Variants in FDPS observed in about 807,000 individuals in gnomAD.
FDPS encodes farnesyl pyrophosphate synthase.
FDPS carries 29 observed loss-of-function variants against 49.5 expected under a neutral mutation model. The observed-to-expected ratio is 0.59, with a 90% CI of 0.44 to 0.80. The LOEUF (loss-of-function observed/expected upper bound fraction) is 0.80, where lower values mean the gene tolerates loss of function less well. FDPS is among the 30% of genes least tolerant of loss of function. The pLI, the probability that FDPS is intolerant of heterozygous loss-of-function variation, is 0.00. For synonymous variants in FDPS, 172 were observed against 206.4 expected (o/e 0.83, Z 1.43); for missense variants, 414 against 525.6 (o/e 0.79, Z 2.08).
intron 4 of FDPS, chr1:155,317,612 G>T (rs996103998): frequency 9.9e-6 from 2 of 201,930 alleles, no homozygotes; most frequent in East Asian, 2.5e-4. Context: ...GAGGCAGGAG[G>T]ATCATTTGAA....
chr1:155,312,119 G>A, intron 3 of FDPS, 136 bp from the exon 4 acceptor site: 1 of 972,856 alleles, frequency 1.0e-6, no homozygotes. Context: ...AGCAATTCCA[G>A]AGGCTCCTTG....
intron 3 of FDPS, among the ~76,000 whole-genome samples, chr1:155,310,867 G>C (rs1249315004): frequency 6.6e-6 from 1 of 152,140 alleles, no homozygotes. Context: ...CCTGAGTGAA[G>C]TTATTGTATC....
intron 4 of FDPS, among the ~76,000 whole-genome samples, chr1:155,315,791 C>T (rs1483861494): frequency 3.3e-5 from 5 of 150,218 alleles, no homozygotes; most frequent in South Asian, 2.1e-4. Flanking sequence ...CGCTTGAACC[C>T]GGGAGGCGGA....
intron 4 of FDPS, among the ~76,000 whole-genome samples, chr1:155,316,146 T>C (rs1034486485): frequency 6.6e-6 from 1 of 151,030 alleles, no homozygotes; most frequent in African/African-American, 2.4e-5. Context: ...TCCCAGCTAC[T>C]TGGGAGGCTG....
intron 4 of FDPS, among the ~76,000 whole-genome samples, chr1:155,315,867 C>CA (rs1267885482): frequency 0.034 from 4,428 of 129,220 alleles, 182 homozygotes; most frequent in African/African-American, 0.11. Context: ...AACTCCATCT[C>CA]AAAAAAAAAA....
intron 4 of FDPS, among the ~76,000 whole-genome samples, chr1:155,315,396 T>C (rs1481591177): frequency 6.6e-6 from 1 of 151,636 alleles, no homozygotes; most frequent in African/African-American, 2.4e-5. Context: ...AATACAAAAT[T>C]AGGCTGGGCG....
chr1:155,318,841 T>A lies in FDPS; in HGVS notation c.774-15T>A. 1.2e-6 allele frequency: 2 copies of A among 1,609,656 alleles called. 1 individual carries two copies. Among genetic ancestry groups the A allele is most frequent in the South Asian group, 2.2e-5 (2 of 90,982 alleles). The stretch of plus-strand genomic sequence containing the variant: ...CATTGCCCTCCTGAGGAGTTTCTCT[T>A]CTCCCCTTACTCAGGTACAAATCTA... On this transcript the variant is annotated splice_polypyrimidine_tract_variant and intron_variant, in intron 7 of 10. Coordinates refer to ENST00000368356, the MANE Select transcript of FDPS (RefSeq NM_002004.4). The surrounding 1 kb of genome is among the most constrained non-coding windows in gnomAD (Gnocchi z 4.2).
intron 4 of FDPS, 22 bp from the exon 5 acceptor site, chr1:155,317,919 G>A (rs765140735): frequency 1.9e-5 from 31 of 1,603,818 alleles, no homozygotes; most frequent in Middle Eastern, 4.4e-4. Flanking sequence ...GAGCCCTGCA[G>A]GTCTTATTCC....
In FDPS at chr1:155,318,633, C is replaced by T. The variant is rs758664694; in HGVS notation, c.685-32C>T. ...CAGGGTTTCGCATATCTGGAGAAAG[C>T]CTGGCTCATGGACCGTCTTTGTCTT... On this transcript the variant is annotated intron_variant, in intron 6 of 10. Coordinates refer to ENST00000368356, the MANE Select transcript of FDPS (RefSeq NM_002004.4). The surrounding 1 kb of genome is among the most constrained non-coding windows in gnomAD (Gnocchi z 4.2). 8.5e-6 allele frequency: 13 copies of T among 1,527,348 alleles called. No homozygotes were observed. In the Middle Eastern group the frequency reaches 5.2e-4, roughly 61 times the overall value. 94.6% of individuals were successfully genotyped at this position (1,527,348 alleles called of 1,614,324 possible). A position where few individuals can be genotyped will look rare whatever the true frequency, so the allele number is the denominator to read the frequency against.
Position 155,312,406 on chromosome 1 carries a change from T to C in FDPS, c.480+11T>C, listed in dbSNP as rs1329160726. ...TGGTGTGTGGAACTGGTGAGAGGGG[T>C]AGGGCAAGGGAGAAGAAGTTTCCTG... On this transcript the variant is annotated intron_variant, in intron 4 of 10. Coordinates refer to ENST00000368356, the MANE Select transcript of FDPS (RefSeq NM_002004.4). The C allele has an allele frequency of 6.2e-7, 1 of 1,611,864 alleles. No homozygotes were observed. Among genetic ancestry groups the C allele is most frequent in the South Asian group, 1.1e-5 (1 of 90,978 alleles).
chr1:155,315,417 T>C (rs572091366), intron 4 of FDPS, among the ~76,000 whole-genome samples: 5 of 152,264 alleles, frequency 3.3e-5, no homozygotes, highest in East Asian at 3.9e-4. Flanking sequence ...CAGTGGCTCA[T>C]GCCTGTAATC....
In FDPS at chr1:155,318,471, C is replaced by A; in HGVS notation, c.684+180C>A. On this transcript the variant is annotated intron_variant, in intron 6 of 10. Coordinates refer to ENST00000368356, the MANE Select transcript of FDPS (RefSeq NM_002004.4). This position sits in a 1 kb window ranked among gnomAD's most constrained non-coding sequence, Gnocchi z 4.2. ...AGTGGCAAGAAAGGGCTTCTCTGTC[C>A]TGTGTAATTGGAAGAAAGGGTGATA... The A allele has an allele frequency of 2.3e-6, 2 of 856,584 alleles. No homozygotes were observed. The highest frequency in any genetic ancestry group is 1.9e-6 in the Non-Finnish European group (1 of 537,950). The allele number at this position is 856,584 out of a possible 1,614,324, so 53.1% of individuals were successfully genotyped here.
At chr1:155,313,177 C>T (rs769634876) in intron 4 of FDPS, among the ~76,000 whole-genome samples, 1 of 152,170 alleles carries the variant, frequency 6.6e-6, no homozygotes, top group African/African-American at 2.4e-5. Context: ...TCCATGTTCC[C>T]GCATAGCAAC....
rs563836292 is a variant in FDPS at position 155,309,965 on chromosome 1, G to A, written c.176G>A (p.Arg59Gln). 6.2e-6 allele frequency: 10 copies of A among 1,608,088 alleles called. No individual in the cohort carries two copies. The highest frequency in any genetic ancestry group is 4.5e-5 in the East Asian group (2 of 44,744). ...CWCQAWTEEP[R>Q]ALCSSLRMNG... is the part of the protein sequence containing the mutation. ...TGCCAAGCGTGGACAGAGGAACCTC[G>A]GTGAGTGTGGTTGGGGTGAGGGGCC... The change falls in exon 2 of 11, where the codon CGA (arginine) becomes CAA (glutamine). Residue 59 changes from arginine (R) to glutamine (Q), a missense_variant and splice_region_variant. By Grantham distance (43) the Arg-to-Gln change is conservative. Coordinates refer to ENST00000368356, the MANE Select transcript of FDPS (RefSeq NM_002004.4).
chr1:155,318,494 A>T lies in FDPS; in HGVS notation c.685-171A>T. Reference sequence around the variant, plus strand: ...TCCTGTGTAATTGGAAGAAAGGGTGATAAAGGACTGTGTGTATGAATATGG... The same window carrying T: ...TCCTGTGTAATTGGAAGAAAGGGTGTTAAAGGACTGTGTGTATGAATATGG... On this transcript the variant is annotated intron_variant, in intron 6 of 10. Transcript: ENST00000368356. This position sits in a 1 kb window ranked among gnomAD's most constrained non-coding sequence, Gnocchi z 4.2. The T allele has an allele frequency of 2.5e-6, 2 of 815,014 alleles. No homozygotes were observed. Among genetic ancestry groups the T allele is most frequent in the South Asian group, 3.0e-5 (2 of 66,096 alleles). The allele number at this position is 815,014 out of a possible 1,614,324, so 50.5% of individuals were successfully genotyped here. A position where few individuals can be genotyped will look rare whatever the true frequency, so the allele number is the denominator to read the frequency against.
rs574475266 is a variant in FDPS at position 155,310,186 on chromosome 1, C to G, written c.320C>G (p.Ala107Gly). Reference protein sequence around the residue: ...DEMGHPEIGDAIARLKEVLEY... With the variant: ...DEMGHPEIGDGIARLKEVLEY... ...ATGGGGCACCCAGAGATAGGAGATGCTATTGCCCGGCTCAAGGAGGTGAGG... is the reference window on the plus strand; with the variant it reads ...ATGGGGCACCCAGAGATAGGAGATGGTATTGCCCGGCTCAAGGAGGTGAGG... Residue 107 changes from alanine to glycine, a missense_variant, in exon 3 of 11, where the codon GCT becomes GGT. Coordinates refer to ENST00000368356, the MANE Select transcript of FDPS (RefSeq NM_002004.4). 6.2e-7 allele frequency: 1 copy of G among 1,613,868 alleles called. No homozygotes were observed.
chr1:155,317,993 G>A lies in FDPS; in HGVS notation c.533G>A (p.Arg178His), dbSNP rs771194005. Residue 178 changes from arginine to histidine, a missense_variant, in exon 5 of 11, where the codon CGC becomes CAC. By Grantham distance (29) the Arg-to-His change is conservative (BLOSUM62 0). Transcript: ENST00000368356. Reference protein sequence around the residue: ...ADDIMDSSLTRRGQICWYQKP... With the variant: ...ADDIMDSSLTHRGQICWYQKP... ...GACATCATGGATTCATCCCTTACCC[G>A]CCGGGGACAGATCTGCTGGTATCAG... The A allele has an allele frequency of 6.2e-6, 10 of 1,613,674 alleles. No homozygotes were observed. Among genetic ancestry groups the A allele is most frequent in the Non-Finnish European group, 8.5e-6 (10 of 1,180,016 alleles).
chr1:155,312,155 A>G, intron 3 of FDPS, 100 bp from the exon 4 acceptor site: 2 of 1,387,610 alleles, frequency 1.4e-6, no homozygotes, highest in Non-Finnish European at 2.0e-6. Flanking sequence ...TGGGGAGGAT[A>G]AAGTTAGGTG....
At chr1:155,310,499 C>T (rs868427942) in intron 3 of FDPS, 9 of 325,336 alleles carry the variant, frequency 2.8e-5, no homozygotes, top group Admixed American at 4.6e-5. Flanking sequence ...TTAATAGAGA[C>T]GGGGTTTCAC....
Sources: allele counts gnomAD v4.1 joint callset (sites outside exome capture counted in the v4.1 genomes callset), GRCh38; gene constraint gnomAD v4.1.1; non-coding constraint Gnocchi (gnomAD v3.1); transcripts MANE v1.5; gene names NCBI Gene and HGNC (gene_info 2026-07-23, HGNC 2026-07-21).